The following PFKFB3 variants were observed in gnomAD, a reference collection of about 807,000 sequenced individuals.
PFKFB3 encodes the protein 6-phosphofructo-2-kinase/fructose-2,6-biphosphatase 3.
Under a neutral mutation model 68.0 loss-of-function variants are expected in PFKFB3, and 33 were observed. That is an observed-to-expected ratio of 0.49 (90% CI 0.37 to 0.65). The LOEUF is 0.65. Among genes scored for constraint, PFKFB3 ranks in the 30% least tolerant of loss-of-function variants. The pLI is 0.00. For missense variants in PFKFB3, 586 were observed against 712.2 expected (o/e 0.82, Z 2.02); for synonymous variants, 315 against 288.2 (o/e 1.09, Z -0.94).
At chr10:6,297,924 G>T in the PFKFB3 span, among the ~76,000 whole-genome samples, 2 of 152,076 alleles carry the variant, frequency 1.3e-5, no homozygotes. Context: ...CTTCCTGGGG[G>T]TATCAGTCTG....
At chr10:6,273,938 G>A in the PFKFB3 span, among the ~76,000 whole-genome samples, 1 of 152,182 alleles carries the variant, frequency 6.6e-6, no homozygotes, top group Non-Finnish European at 1.5e-5. Flanking sequence ...CGGTGCGACA[G>A]CTCATTCCCA....
chr10:6,195,918 C>A (rs191201453), intron 1 of PFKFB3, among the ~76,000 whole-genome samples: 1 of 152,282 alleles, frequency 6.6e-6, no homozygotes, highest in African/African-American at 2.4e-5. Context: ...GGCAAGGTTG[C>A]GGGTTCCAAC....
At chr10:6,315,678 G>A in the PFKFB3 span, among the ~76,000 whole-genome samples, 1 of 152,200 alleles carries the variant, frequency 6.6e-6, no homozygotes, top group African/African-American at 2.4e-5. Context: ...TAGAGACAGA[G>A]TTTCACCATG....
intron 14 of PFKFB3, among the ~76,000 whole-genome samples, chr10:6,232,203 GCA>G (rs1336547047): frequency 6.6e-6 from 1 of 150,584 alleles, no homozygotes; most frequent in East Asian, 2.0e-4. Context: ...TGCAGTGGCT[GCA>G]GTCAGTTGTG....
chr10:6,279,192 G>C, the PFKFB3 span, among the ~76,000 whole-genome samples: 2 of 152,136 alleles, frequency 1.3e-5, no homozygotes, highest in African/African-American at 2.4e-5. Flanking sequence ...CATTTATATA[G>C]TCTATATTCA....
intron 1 of PFKFB3, among the ~76,000 whole-genome samples, chr10:6,187,498 G>A (rs770177494): frequency 6.6e-5 from 10 of 152,230 alleles, no homozygotes; most frequent in Non-Finnish European, 1.3e-4. Flanking sequence ...TAAGTGATGA[G>A]ATGGGAGAAG....
chr10:6,177,588 C>T (rs1377101192), intron 1 of PFKFB3, among the ~76,000 whole-genome samples: 14 of 148,168 alleles, frequency 9.4e-5, no homozygotes, highest in East Asian at 2.0e-4. Flanking sequence ...TGCAATGGTG[C>T]GATCTCGGCT....
At chr10:6,299,272 C>T in the PFKFB3 span, among the ~76,000 whole-genome samples, 1 of 152,288 alleles carries the variant, frequency 6.6e-6, no homozygotes, top group East Asian at 1.9e-4. Flanking sequence ...CTAGACGAAC[C>T]AGCTTCTATT....
intron 1 of PFKFB3, among the ~76,000 whole-genome samples, chr10:6,190,873 G>A (rs112909037): frequency 1.7e-3 from 264 of 152,258 alleles, no homozygotes; most frequent in African/African-American, 6.0e-3. Context: ...CCGCCTCCCC[G>A]GTTCAAGGAA....
intron 14 of PFKFB3, among the ~76,000 whole-genome samples, chr10:6,243,869 T>C (rs982864670): frequency 2.0e-5 from 3 of 152,118 alleles, no homozygotes; most frequent in African/African-American, 7.2e-5. Flanking sequence ...GATTACTTAG[T>C]GTGCGCCATC....
chr10:6,312,439 T>C, the PFKFB3 span, among the ~76,000 whole-genome samples: 1 of 152,152 alleles, frequency 6.6e-6, no homozygotes, highest in African/African-American at 2.4e-5. Context: ...CTGTCAGCGG[T>C]GTGCCAAGAA....
chr10:6,302,556 A>T, the PFKFB3 span, among the ~76,000 whole-genome samples: 1 of 135,832 alleles, frequency 7.4e-6, no homozygotes, highest in Non-Finnish European at 1.6e-5. Context: ...TAATTTTTGT[A>T]TTTTAGTAGA....
intron 1 of PFKFB3, among the ~76,000 whole-genome samples, chr10:6,182,285 C>T (rs367589624): frequency 1.8e-4 from 27 of 152,100 alleles, no homozygotes; most frequent in Admixed American, 1.6e-3. Context: ...CACAGAAGCA[C>T]GCACACACAC....
intron 1 of PFKFB3, among the ~76,000 whole-genome samples, chr10:6,151,554 T>C (rs1231815702): frequency 6.6e-6 from 1 of 151,926 alleles, no homozygotes; most frequent in African/African-American, 2.4e-5. Context: ...TAGGGTGGAG[T>C]TGGTCTGCTG....
At chr10:6,203,647 C>T (rs2033909430) in intron 1 of PFKFB3, among the ~76,000 whole-genome samples, 1 of 151,918 alleles carries the variant, frequency 6.6e-6, no homozygotes, top group Admixed American at 6.5e-5. Flanking sequence ...GATCCCTGTC[C>T]TCGACACCCG....
Position 6,203,096 on chromosome 10 carries a change from C to G in PFKFB3, c.-165C>G. 1 of 1,453,232 alleles carries G rather than the reference C, an allele frequency of 6.9e-7. No homozygotes were observed. The highest frequency in any genetic ancestry group is 9.0e-7 in the Non-Finnish European group (1 of 1,107,568). The allele number at this position is 1,453,232 out of a possible 1,614,324, so 90.0% of individuals were successfully genotyped here. A position where few individuals can be genotyped will look rare whatever the true frequency, so the allele number is the denominator to read the frequency against. ...GTCGAGCCCCGCACAGGCGAGGGTC[C>G]GGAACTTAGCCCAAAGCACGTTTCC... On this transcript the variant is annotated 5_prime_UTR_variant, in exon 1 of 15. Coordinates refer to ENST00000379775, the MANE Select transcript of PFKFB3 (RefSeq NM_004566.4).
rs757268684 is a variant in PFKFB3 at position 6,215,317 on chromosome 10, A to G, written c.299A>G (p.Lys100Arg). The G allele has an allele frequency of 6.2e-7, 1 of 1,613,080 alleles. No homozygotes were observed. The highest frequency in any genetic ancestry group is 8.5e-7 in the Non-Finnish European group (1 of 1,179,260). Residue 100 changes from lysine (K) to arginine (R), a missense_variant and splice_region_variant, in exon 3 of 15, where the codon AAG (lysine) becomes AGG (arginine). Lys to Arg is a conservative substitution (Grantham distance 26). Transcript: ENST00000379775. The surrounding 1 kb of genome is among the most constrained non-coding windows in gnomAD (Gnocchi z 4.3). ...AATGAGGAAGCCATGAAAGTCCGGA[A>G]GTAAGGCTGGGCCGCGGGCGTAGGG... ...PDNEEAMKVRKQCALAALRDV... is the reference protein window; with the variant it reads ...PDNEEAMKVRRQCALAALRDV...
chr10:6,254,291 C>G, exon 15 of PFKFB3: 1 of 398,510 alleles, frequency 2.5e-6, no homozygotes, highest in East Asian at 3.6e-5. Flanking sequence ...GGAGTGGACC[C>G]GGGGCTGCAC....
the PFKFB3 span, among the ~76,000 whole-genome samples, chr10:6,286,226 C>T: frequency 6.6e-6 from 1 of 152,176 alleles, no homozygotes; most frequent in Admixed American, 6.5e-5. Context: ...ATCTGCCCAC[C>T]TCGGCCTCCC....
Sources: allele counts gnomAD v4.1 joint callset (sites outside exome capture counted in the v4.1 genomes callset), GRCh38; gene constraint gnomAD v4.1.1; non-coding constraint Gnocchi (gnomAD v3.1); transcripts MANE v1.5; gene names NCBI Gene and HGNC (gene_info 2026-07-23, HGNC 2026-07-21).